LTBP4: variants seen among roughly 807,000 people sequenced by gnomAD.
LTBP4 encodes latent transforming growth factor beta binding protein 4.
Under a neutral mutation model 180.2 loss-of-function variants are expected in LTBP4, and 93 were observed. The observed-to-expected ratio is 0.52, with a 90% CI of 0.44 to 0.61. LTBP4 has a LOEUF of 0.61. Among genes scored for constraint, LTBP4 ranks in the 20% least tolerant of loss-of-function variants. The pLI is 0.00. For missense variants in LTBP4, 2,116 were observed against 2,256.5 expected, an observed-to-expected ratio of 0.94 and a Z score of 1.26; for synonymous variants, 947 against 934.5, an observed-to-expected ratio of 1.01 and a Z score of -0.24.
At position 40,629,563 on chromosome 19, in the gene LTBP4, G is replaced by A. The variant is rs757005360; in HGVS notation, c.*13G>A. 4.3e-6 allele frequency: 6 copies of A among 1,384,570 alleles called. No individual in the cohort carries two copies. Among genetic ancestry groups the A allele is most frequent in the African/African-American group, 1.5e-5 (1 of 65,678 alleles). The allele number at this position is 1,384,570 out of a possible 1,614,324, so 85.8% of individuals were successfully genotyped here. A position where few individuals can be genotyped will look rare whatever the true frequency, so the allele number is the denominator to read the frequency against. ...GCCCCGGGCCTGAGCCCTGGCACCC[G>A]CTGGCCGCCCACCCGCGCCCGCCAC... On this transcript the variant is annotated 3_prime_UTR_variant, in exon 30 of 30. Transcript: ENST00000396819. This position sits in a 1 kb window ranked among gnomAD's most constrained non-coding sequence, Gnocchi z 4.5.
chr19:40,627,036 T>G lies in LTBP4; in HGVS notation c.4047T>G (p.Gly1349=). The G allele has an allele frequency of 6.2e-7, 1 of 1,606,094 alleles. No homozygotes were observed. The highest frequency in any genetic ancestry group is 8.5e-7 in the Non-Finnish European group (1 of 1,174,424). ...RPPAYSPPRP[G]GFGLPYEYGP... The stretch of plus-strand genomic sequence containing the variant: ...CCGCATATAGCCCCCCGCGACCAGG[T>G]GGCTTTGGACTCCCCTACGAGTACG... The change falls in exon 28 of 30, where the codon GGT becomes GGG. Residue 1349 remains glycine, a synonymous_variant. Coordinates refer to ENST00000396819, the MANE Select transcript of LTBP4 (RefSeq NM_001042545.2).
In LTBP4 at chr19:40,611,804, C is replaced by T. The variant is rs2278245; in HGVS notation, c.2054-55C>T. 2.3e-3 allele frequency: 3,651 copies of T among 1,563,622 alleles called. 131 individuals carry two copies. The East Asian group carries it at 0.076, about 32-fold the overall frequency. ...GGAATGCTGGGGTGGGTGGTGATGG[C>T]CATGGGAATGGATTCAGGCCCCTTC... On this transcript the variant is annotated intron_variant, in intron 13 of 29. Coordinates refer to ENST00000396819, the MANE Select transcript of LTBP4 (RefSeq NM_001042545.2). The surrounding 1 kb of genome is among the most constrained non-coding windows in gnomAD (Gnocchi z 4.4).
In LTBP4 at chr19:40,621,530, C is replaced by T. The variant is rs112295838; in HGVS notation, c.3218-871C>T. ...AGATAGAATCAGATTTTGAAACCTC[C>T]CTCTGGCCGCCATGTGAAGGTGATT... On this transcript the variant is annotated intron_variant, in intron 22 of 29. Transcript: ENST00000396819. Among the ~76,000 whole-genome samples, 1,285 of 152,206 alleles carry T rather than the reference C, an allele frequency of 8.4e-3. 21 individuals are homozygous for T. The highest frequency in any genetic ancestry group is 0.03 in the African/African-American group (1,230 of 41,510).
At chr19:40,594,025 C>T (rs540344888) in intron 1 of LTBP4, among the ~76,000 whole-genome samples, 33 of 151,726 alleles carry the variant, frequency 2.2e-4, no homozygotes, top group Non-Finnish European at 2.9e-5. Flanking sequence ...AACTCCTGAC[C>T]TCAAGTGATC....
Position 40,617,090 on chromosome 19 carries a change from G to A in LTBP4, c.2945-10G>A. On this transcript the variant is annotated splice_polypyrimidine_tract_variant and intron_variant, in intron 20 of 29. Coordinates refer to ENST00000396819, the MANE Select transcript of LTBP4 (RefSeq NM_001042545.2). ...GGTCCAGAAATGGCCTGACTGTCTGGTGGTTGCAGATGTGGACGAATGCCG... is the reference window on the plus strand; with the variant it reads ...GGTCCAGAAATGGCCTGACTGTCTGATGGTTGCAGATGTGGACGAATGCCG... 1 of 1,614,014 alleles carries A rather than the reference G, an allele frequency of 6.2e-7. No individual in the cohort carries two copies. The highest frequency in any genetic ancestry group is 8.5e-7 in the Non-Finnish European group (1 of 1,179,866).
At chr19:40,600,103 G>T, upstream of LTBP4, 2 of 1,258,822 alleles carry the variant, frequency 1.6e-6, no homozygotes, top group Non-Finnish European at 2.0e-6. The surrounding 1 kb of genome is among the most constrained non-coding windows in gnomAD (Gnocchi z 4.4). Context: ...AAGCGGCGGC[G>T]GCCCCGGGGG....
chr19:40,604,699 A>T (rs2081446308), intron 1 of LTBP4, among the ~76,000 whole-genome samples: 2 of 152,186 alleles, frequency 1.3e-5, no homozygotes, highest in Non-Finnish European at 2.9e-5. Context: ...TAAAAAACGT[A>T]GCCCGATGTG....
chr19:40,604,841 C>T (rs1333976863), intron 1 of LTBP4, among the ~76,000 whole-genome samples, 194 bp from the exon 2 acceptor site: 1 of 152,154 alleles, frequency 6.6e-6, no homozygotes. Context: ...ATCCTGCCGA[C>T]TTAGTGGGTG....
At position 40,605,774 on chromosome 19, in the gene LTBP4, C is replaced by G. The variant is rs779392555; in HGVS notation, c.736C>G (p.Arg246Gly). The G allele has an allele frequency of 3.9e-6, 6 of 1,542,782 alleles. No homozygotes were observed. The highest frequency in any genetic ancestry group is 4.4e-6 in the Non-Finnish European group (5 of 1,146,758). The change falls in exon 4 of 30, where the codon CGA becomes GGA. Residue 246 changes from arginine to glycine, a missense_variant. Around this residue, in one of 5 missense-constraint regions of LTBP4, gnomAD observed 469 missense variants for 532.5 expected, o/e 0.88. Coordinates refer to ENST00000396819, the MANE Select transcript of LTBP4 (RefSeq NM_001042545.2). The surrounding 1 kb of genome is among the most constrained non-coding windows in gnomAD (Gnocchi z 5.5). Reference sequence around the variant, plus strand: ...GCTCCGGACGCAGGAGGTCTGCTGCCGAGGGGCCGGCTTGGCCTGGGGCGT... The same window carrying G: ...GCTCCGGACGCAGGAGGTCTGCTGCGGAGGGGCCGGCTTGGCCTGGGGCGT... ...PGLRTQEVCC[R>G]GAGLAWGVHD...
Position 40,613,903 on chromosome 19 carries a change from C to A in LTBP4, c.2558-13C>A. 6.2e-7 allele frequency: 1 copy of A among 1,613,430 alleles called. No homozygotes were observed. ...GGGAGGTGGGCCGGGCCTTCGGACG[C>A]CCTGTCCCGCAGACGTTGACGAGTG... is the stretch of plus-strand genomic sequence containing the variant. On this transcript the variant is annotated splice_polypyrimidine_tract_variant and intron_variant, in intron 17 of 29. Coordinates refer to ENST00000396819, the MANE Select transcript of LTBP4 (RefSeq NM_001042545.2). The surrounding 1 kb of genome is among the most constrained non-coding windows in gnomAD (Gnocchi z 5.0).
At chr19:40,620,930 T>C (rs940239413) in intron 22 of LTBP4, among the ~76,000 whole-genome samples, 1 of 152,000 alleles carries the variant, frequency 6.6e-6, no homozygotes, top group Non-Finnish European at 1.5e-5. Flanking sequence ...GTAAGCACAG[T>C]ACCCAACAGC....
Position 40,629,363 on chromosome 19 carries a change from C to T in LTBP4, c.4520-33C>T. ...AGGAGGCGAGCTTCTGGGGCCCCAGCCTTCAGCAGCGATCGTTGTCTCCCC... is the reference window on the plus strand; with the variant it reads ...AGGAGGCGAGCTTCTGGGGCCCCAGTCTTCAGCAGCGATCGTTGTCTCCCC... On this transcript the variant is annotated intron_variant, in intron 29 of 29. Coordinates refer to ENST00000396819, the MANE Select transcript of LTBP4 (RefSeq NM_001042545.2). The surrounding 1 kb of genome is among the most constrained non-coding windows in gnomAD (Gnocchi z 4.5). 6.2e-7 allele frequency: 1 copy of T among 1,611,452 alleles called. No homozygotes were observed. The highest frequency in any genetic ancestry group is 1.1e-5 in the South Asian group (1 of 91,082).
intron 29 of LTBP4, 102 bp downstream of exon 29, chr19:40,627,959 C>T: frequency 7.0e-7 from 1 of 1,437,712 alleles, no homozygotes; most frequent in Non-Finnish European, 9.3e-7. Context: ...CGGGAAAGGA[C>T]CTCACTACAG....
Position 40,611,719 on chromosome 19 carries a change from G to C in LTBP4, c.2054-140G>C, listed in dbSNP as rs549500159. On this transcript the variant is annotated intron_variant, in intron 13 of 29. Transcript: ENST00000396819. This position sits in a 1 kb window ranked among gnomAD's most constrained non-coding sequence, Gnocchi z 4.4. ...CATTGAATGGGGACACGAGGAAGGTGTCTGTCTTCCTGGGAAGAGGGAGCA... is the reference window on the plus strand; with the variant it reads ...CATTGAATGGGGACACGAGGAAGGTCTCTGTCTTCCTGGGAAGAGGGAGCA... 1 of 1,315,324 alleles carries C rather than the reference G, an allele frequency of 7.6e-7. No individual in the cohort carries two copies. Among genetic ancestry groups the C allele is most frequent in the East Asian group, 2.5e-5 (1 of 39,384 alleles). The allele number at this position is 1,315,324 out of a possible 1,614,324, so 81.5% of individuals were successfully genotyped here. A position where few individuals can be genotyped will look rare whatever the true frequency, so the allele number is the denominator to read the frequency against.
chr19:40,597,251 C>T, upstream of LTBP4: 1 of 1,507,636 alleles, frequency 6.6e-7, no homozygotes, highest in Non-Finnish European at 8.8e-7. Flanking sequence ...AGGCCTGGCA[C>T]CAGCGGCCGC....
intron 21 of LTBP4, 76 bp downstream of exon 21, chr19:40,617,301 C>G (rs1402431490): frequency 2.0e-6 from 3 of 1,511,328 alleles, no homozygotes; most frequent in Non-Finnish European, 2.7e-6. Context: ...CCCCATATAT[C>G]TGAACAAATG....
intron 27 of LTBP4, among the ~76,000 whole-genome samples, chr19:40,626,544 A>T (rs918869121): frequency 6.6e-6 from 1 of 152,052 alleles, no homozygotes; most frequent in African/African-American, 2.4e-5. Flanking sequence ...TGAGTCCCTC[A>T]GTCCTCAGCC....
rs1018684946 is a variant in LTBP4 at position 40,611,775 on chromosome 19, G to A, written c.2054-84G>A. The A allele has an allele frequency of 1.3e-6, 2 of 1,519,478 alleles. No homozygotes were observed. The highest frequency in any genetic ancestry group is 1.4e-5 in the African/African-American group (1 of 72,814). The allele number at this position is 1,519,478 out of a possible 1,614,324, so 94.1% of individuals were successfully genotyped here. Reference sequence around the variant, plus strand: ...AGGCAAGTCCAGAAGGCAGGCTCAAGACTGGAATGCTGGGGTGGGTGGTGA... The same window carrying A: ...AGGCAAGTCCAGAAGGCAGGCTCAAAACTGGAATGCTGGGGTGGGTGGTGA... On this transcript the variant is annotated intron_variant, in intron 13 of 29. Coordinates refer to ENST00000396819, the MANE Select transcript of LTBP4 (RefSeq NM_001042545.2). This position sits in a 1 kb window ranked among gnomAD's most constrained non-coding sequence, Gnocchi z 4.4.
chr19:40,625,585 C>T lies in LTBP4; in HGVS notation c.3833-272C>T, dbSNP rs184073775. ...AACTGCCCCGAGGCCACACAGCCCT[C>T]CAGAGGCCAGACTTGGGTAGACCCC... is the stretch of plus-strand genomic sequence containing the variant. On this transcript the variant is annotated intron_variant, in intron 26 of 29. Transcript: ENST00000396819. 3.5e-3 allele frequency among the ~76,000 whole-genome samples: 540 copies of T among 152,196 alleles called. 2 individuals carry two copies. The highest frequency in any genetic ancestry group is 0.013 in the African/African-American group (520 of 41,536).
Sources: gnomAD v4.1 joint callset for allele counts (sites outside exome capture counted in the v4.1 genomes callset) on GRCh38, gnomAD v4.1.1 for gene constraint, gnomAD v4.1.1 regional missense constraint, Gnocchi (gnomAD v3.1) non-coding constraint, MANE v1.5 for transcripts, NCBI Gene and HGNC (gene_info 2026-07-23, HGNC 2026-07-21) for gene names.